NRG3: variants seen among roughly 807,000 people sequenced by gnomAD.
NRG3 encodes the protein pro-neuregulin-3, membrane-bound isoform.
NRG3 carries 31 observed loss-of-function variants against 66.9 expected under a neutral mutation model. The observed-to-expected ratio is 0.46, with a 90% CI of 0.35 to 0.63. The LOEUF (loss-of-function observed/expected upper bound fraction) is 0.63. NRG3 is among the 20% of genes least tolerant of loss of function. NRG3 has a pLI of 0.00. For synonymous variants in NRG3, 393 were observed against 359.4 expected (o/e 1.09, Z -1.06); for missense variants, 910 against 878.9 (o/e 1.04, Z -0.45).
At chr10:82,551,835 T>C (rs1214858379) in intron 2 of NRG3, among the ~76,000 whole-genome samples, 1 of 152,150 alleles carries the variant, frequency 6.6e-6, no homozygotes, top group East Asian at 1.9e-4. Flanking sequence ...TATATTTTTA[T>C]AATTCAAATA....
At chr10:81,998,372 C>G (rs1010647140) in intron 1 of NRG3, among the ~76,000 whole-genome samples, 1 of 152,138 alleles carries the variant, frequency 6.6e-6, no homozygotes, top group Non-Finnish European at 1.5e-5. Flanking sequence ...TAGAAATCAA[C>G]CTCTTTATAA....
At chr10:82,528,372 C>T (rs1022660923) in intron 2 of NRG3, among the ~76,000 whole-genome samples, 6 of 150,506 alleles carry the variant, frequency 4.0e-5, no homozygotes, top group African/African-American at 1.5e-4. Flanking sequence ...TTTAAAAAGC[C>T]CAATCATTAA....
chr10:82,099,199 T>G (rs1391562189), intron 1 of NRG3, among the ~76,000 whole-genome samples: 8 of 152,230 alleles, frequency 5.3e-5, no homozygotes, highest in Non-Finnish European at 1.5e-5. Context: ...AGATTTTCTC[T>G]TTTTTCTCAA....
intron 2 of NRG3, among the ~76,000 whole-genome samples, chr10:82,648,044 A>G (rs1381994082): frequency 6.7e-6 from 1 of 149,146 alleles, no homozygotes; most frequent in Non-Finnish European, 1.5e-5. Context: ...TTTTGTTGCC[A>G]TTGCTTTTGG....
chr10:81,902,266 A>G (rs1412165787), intron 1 of NRG3, among the ~76,000 whole-genome samples: 1 of 152,060 alleles, frequency 6.6e-6, no homozygotes, highest in Non-Finnish European at 1.5e-5. Flanking sequence ...TCTCGAGGTA[A>G]TGGACAAGAG....
In NRG3 at chr10:82,621,089, A is replaced by G. The variant is rs140084221; in HGVS notation, c.954-117488A>G. ...CAGTGTCACTATGAACAAGTCTCCC[A>G]GTGTTGAGATGACACTTTCATTTTA... On this transcript the variant is annotated intron_variant, in intron 2 of 8. Coordinates refer to ENST00000372141, the MANE Select transcript of NRG3 (RefSeq NM_001010848.4). Among the ~76,000 whole-genome samples the G allele has an allele frequency of 1.8e-4, 28 of 152,274 alleles. No homozygotes were observed. In the East Asian group the frequency reaches 5.4e-3, roughly 29 times the overall value.
At chr10:82,876,959 GTT>G (rs1841874742) in intron 4 of NRG3, among the ~76,000 whole-genome samples, 1 of 151,280 alleles carries the variant, frequency 6.6e-6, no homozygotes, top group Admixed American at 6.6e-5. Context: ...GGAGGCAGAG[GTT>G]GCATTGAGCC....
chr10:82,391,399 A>G (rs1022202681), intron 2 of NRG3, among the ~76,000 whole-genome samples: 6 of 152,188 alleles, frequency 3.9e-5, no homozygotes, highest in Admixed American at 2.0e-4. Context: ...TCAGTTTAGA[A>G]ATGCTCTTTA....
intron 2 of NRG3, among the ~76,000 whole-genome samples, chr10:82,731,954 A>G (rs2057929430): frequency 6.6e-6 from 1 of 152,198 alleles, no homozygotes; most frequent in South Asian, 2.1e-4. Context: ...TATAGTTAAT[A>G]ACAATGTACT....
chr10:82,417,765 G>A (rs976252018), intron 2 of NRG3, among the ~76,000 whole-genome samples: 3 of 152,206 alleles, frequency 2.0e-5, no homozygotes, highest in Middle Eastern at 3.4e-3. Flanking sequence ...TTATCACCGC[G>A]AAGCCCAGCC....
At chr10:82,501,814 C>G (rs944680636) in intron 2 of NRG3, among the ~76,000 whole-genome samples, 3 of 152,100 alleles carry the variant, frequency 2.0e-5, no homozygotes, top group Non-Finnish European at 4.4e-5. Flanking sequence ...TACTCCATAG[C>G]TGATATTATT....
In NRG3 at chr10:82,986,960, T is replaced by C. The variant is rs148618309; in HGVS notation, c.*1355T>C. 32 of 152,284 alleles carry C rather than the reference T, an allele frequency of 2.1e-4. No individual in the cohort carries two copies. The East Asian group carries it at 5.8e-3, about 28-fold the overall frequency. 9.4% of individuals were successfully genotyped at this position (152,284 alleles called of 1,614,324 possible). A position where few individuals can be genotyped will look rare whatever the true frequency, so the allele number is the denominator to read the frequency against. The stretch of plus-strand genomic sequence containing the variant: ...CACAAGAAGCCCCCCAAAAGAACAG[T>C]AAATTGTGTTGTATGTTCATTTGGA... On this transcript the variant is annotated 3_prime_UTR_variant, in exon 9 of 9. Coordinates refer to ENST00000372141, the MANE Select transcript of NRG3 (RefSeq NM_001010848.4).
chr10:82,590,874 AG>A (rs1213383499), intron 2 of NRG3, among the ~76,000 whole-genome samples: 2 of 152,244 alleles, frequency 1.3e-5, no homozygotes, highest in Non-Finnish European at 2.9e-5. Flanking sequence ...CCATCCATGT[AG>A]GGGCCACACT....
At chr10:82,377,979 G>C (rs897236801) in intron 2 of NRG3, among the ~76,000 whole-genome samples, 1 of 152,206 alleles carries the variant, frequency 6.6e-6, no homozygotes, top group African/African-American at 2.4e-5. Context: ...AGGCGTTTGG[G>C]CTAGGAAGTG....
intron 3 of NRG3, among the ~76,000 whole-genome samples, chr10:82,808,112 T>C (rs1394171358): frequency 6.6e-6 from 1 of 152,108 alleles, no homozygotes; most frequent in Non-Finnish European, 1.5e-5. Context: ...ATTCGTAGGT[T>C]CTTCACTTAT....
intron 2 of NRG3, among the ~76,000 whole-genome samples, chr10:82,613,573 A>G (rs1466944862): frequency 6.6e-6 from 1 of 151,902 alleles, no homozygotes; most frequent in Non-Finnish European, 1.5e-5. Flanking sequence ...TCAAGAAAAG[A>G]TGTTATTATT....
At chr10:82,698,516 A>G (rs1241483237) in intron 2 of NRG3, among the ~76,000 whole-genome samples, 1 of 152,206 alleles carries the variant, frequency 6.6e-6, no homozygotes, top group Non-Finnish European at 1.5e-5. Context: ...TACCAGAGAA[A>G]ACATTTTTAT....
chr10:82,348,426 C>T (rs2083181552), intron 1 of NRG3, among the ~76,000 whole-genome samples: 1 of 147,206 alleles, frequency 6.8e-6, no homozygotes, highest in Non-Finnish European at 1.5e-5. Flanking sequence ...AGGGTTTCTG[C>T]TGAGAGATCC....
chr10:82,556,538 G>T (rs2044665281), intron 2 of NRG3, among the ~76,000 whole-genome samples: 1 of 152,142 alleles, frequency 6.6e-6, no homozygotes, highest in Admixed American at 6.5e-5. Context: ...AATGGCATCT[G>T]CCCTTCTTCT....
Sources: gnomAD v4.1 joint callset for allele counts (sites outside exome capture counted in the v4.1 genomes callset) on GRCh38, gnomAD v4.1.1 for gene constraint, MANE v1.5 for transcripts, NCBI Gene and HGNC (gene_info 2026-07-23, HGNC 2026-07-21) for gene names.